STRN4: variants seen among roughly 807,000 people sequenced by gnomAD.
The protein encoded by STRN4 is striatin-4.
STRN4 carries 27 observed loss-of-function variants against 77.9 expected under a neutral mutation model. That is an observed-to-expected ratio of 0.35 (90% CI 0.26 to 0.48). The LOEUF is 0.48. Ranked by LOEUF, STRN4 falls within the 20% of genes least tolerant of loss-of-function variation. The pLI is 0.99. For synonymous variants in STRN4, 466 were observed against 443.1 expected (o/e 1.05, Z -0.65); for missense variants, 798 against 1,049.7 (o/e 0.76, Z 3.31).
At chr19:46,743,760 C>T (rs759533318) in intron 1 of STRN4, among the ~76,000 whole-genome samples, 25 of 151,958 alleles carry the variant, frequency 1.6e-4, no homozygotes, top group Admixed American at 3.9e-4. Flanking sequence ...ATCAGCCAGG[C>T]GTGGTGGTGG....
rs1255989752 is a variant in STRN4 at position 46,746,033 on chromosome 19, C to A, written c.282+116G>T. The A allele has an allele frequency of 1.5e-5, 18 of 1,217,080 alleles. 2 individuals are homozygous for A. Among genetic ancestry groups the A allele is most frequent in the Non-Finnish European group, 1.6e-5 (15 of 956,294 alleles). 75.4% of individuals were successfully genotyped at this position (1,217,080 alleles called of 1,614,324 possible). ...CGGGACCGTCGCGGTCCCCTCCCGC[C>A]CCCCCGCCGGCCGTCCCGGCGGCCA... On this transcript the variant is annotated intron_variant, in intron 1 of 17. Transcript: ENST00000263280.
intron 9 of STRN4, 30 bp downstream of exon 9, chr19:46,727,422 G>A: frequency 6.3e-7 from 1 of 1,590,642 alleles, no homozygotes; most frequent in East Asian, 2.3e-5. Flanking sequence ...TGCCAATGGG[G>A]ACAGTGTGGG....
rs528423353 is a variant in STRN4 at position 46,722,406 on chromosome 19, A to G, written c.1907-66T>C. On this transcript the variant is annotated intron_variant, in intron 14 of 17. Coordinates refer to ENST00000263280, the MANE Select transcript of STRN4 (RefSeq NM_013403.3). Reference sequence around the variant, plus strand: ...AAATCAGGAAGACCAGAACAGAGGCACAAGCGCAGCGTGACAGCCCCTACA... The same window carrying G: ...AAATCAGGAAGACCAGAACAGAGGCGCAAGCGCAGCGTGACAGCCCCTACA... 1.2e-3 allele frequency: 1,812 copies of G among 1,524,792 alleles called. 2 individuals carry two copies. The highest frequency in any genetic ancestry group is 1.6e-3 in the Non-Finnish European group (1,753 of 1,102,402). 94.5% of individuals were successfully genotyped at this position (1,524,792 alleles called of 1,614,324 possible).
intron 1 of STRN4, chr19:46,745,666 G>A (rs2054574131): frequency 6.5e-6 from 1 of 152,752 alleles, no homozygotes; most frequent in East Asian, 1.9e-4. Flanking sequence ...TCGGGGTCGG[G>A]GTCGGGAGTC....
rs2054481493 is a variant in STRN4, at chr19:46,741,900, T to C, written c.283-3012A>G. ...AAGCTTCAGCAGCTGCTGGCAGGAA[T>C]GGGCCCCCAGGAAGCTGAAGTGGGC... On this transcript the variant is annotated intron_variant, in intron 1 of 17. Transcript: ENST00000263280. The surrounding 1 kb of genome is among the most constrained non-coding windows in gnomAD (Gnocchi z 4.9). 6.6e-6 allele frequency among the ~76,000 whole-genome samples: 1 copy of C among 152,194 alleles called. No individual in the cohort carries two copies. Among genetic ancestry groups the C allele is most frequent in the Non-Finnish European group, 1.5e-5 (1 of 68,028 alleles).
intron 1 of STRN4, among the ~76,000 whole-genome samples, chr19:46,743,697 C>G: frequency 1.3e-5 from 2 of 152,128 alleles, no homozygotes. Context: ...GCCAGGAGTT[C>G]GAAACCAGCC....
At chr19:46,737,284 T>C (rs1311503158) in intron 3 of STRN4, among the ~76,000 whole-genome samples, 2 of 152,198 alleles carry the variant, frequency 1.3e-5, no homozygotes, top group African/African-American at 4.8e-5. Flanking sequence ...ATGAGCTTAA[T>C]GATAACAGCA....
At position 46,723,114 on chromosome 19, in the gene STRN4, C is replaced by T. The variant is rs759772105; in HGVS notation, c.1765G>A (p.Glu589Lys). Residue 589 changes from glutamate (E) to lysine (K), a missense_variant and splice_region_variant, in exon 13 of 18, where the codon GAG becomes AAG. Physicochemically the swap from Glu to Lys is moderately conservative, Grantham distance 56 (BLOSUM62 1). Around this residue, in one of 2 missense-constraint regions of STRN4, gnomAD observed 287 missense variants for 473.8 expected, o/e 0.61. Coordinates refer to ENST00000263280, the MANE Select transcript of STRN4 (RefSeq NM_013403.3). The surrounding 1 kb of genome is among the most constrained non-coding windows in gnomAD (Gnocchi z 5.5). Reference sequence around the variant, plus strand: ...GTGAGGCACCGGGGCCCCCACTCACCGCTGGCTGTGGGGAAGGTGCAGAGG... The same window carrying T: ...GTGAGGCACCGGGGCCCCCACTCACTGCTGGCTGTGGGGAAGGTGCAGAGG... Reference protein sequence around the residue: ...ACLCTFPTASEHGVPTSVAFT... With the variant: ...ACLCTFPTASKHGVPTSVAFT... 9.0e-6 allele frequency: 14 copies of T among 1,563,432 alleles called. No homozygotes were observed. Among genetic ancestry groups the T allele is most frequent in the East Asian group, 2.4e-5 (1 of 41,642 alleles).
chr19:46,727,635 GAA>G (rs1184426495), intron 8 of STRN4, 89 bp from the exon 9 acceptor site: 1 of 1,116,700 alleles, frequency 9.0e-7, no homozygotes, highest in Non-Finnish European at 1.3e-6. Flanking sequence ...GAGAGGCAGA[GAA>G]AGAGATAAAG....
At chr19:46,739,023 AAAG>A in intron 1 of STRN4, 135 bp from the exon 2 acceptor site, 1 of 720,368 alleles carries the variant, frequency 1.4e-6, no homozygotes, top group Admixed American at 2.1e-5. Flanking sequence ...CCTCAGGCAC[AAAG>A]ATCCCAAGCC....
chr19:46,725,847 A>G (rs1261692118), intron 9 of STRN4, 199 bp from the exon 10 acceptor site: 6 of 673,804 alleles, frequency 8.9e-6, no homozygotes, highest in African/African-American at 7.3e-5. Context: ...AAGTCCCCAC[A>G]CTGCGCTGGG....
Position 46,745,252 on chromosome 19 carries a change from C to G in STRN4, c.282+897G>C, listed in dbSNP as rs575715121. Among the ~76,000 whole-genome samples, 6 of 152,220 alleles carry G rather than the reference C, an allele frequency of 3.9e-5. No individual in the cohort carries two copies. The East Asian group carries it at 7.7e-4, about 20-fold the overall frequency. On this transcript the variant is annotated intron_variant, in intron 1 of 17. Transcript: ENST00000263280. Reference sequence around the variant, plus strand: ...AACACACGTGCCATCTCAGTGCCATCGCGCCCACTCCTGCACACCCCCAAA... The same window carrying G: ...AACACACGTGCCATCTCAGTGCCATGGCGCCCACTCCTGCACACCCCCAAA...
intron 1 of STRN4, 106 bp downstream of exon 1, chr19:46,746,043 G>GGCGTCCCGGCGGC: frequency 8.6e-7 from 1 of 1,161,896 alleles, no homozygotes. Context: ...CCCCCCGCCG[G>GGCGTCCCGGCGGC]CCGTCCCGGC....
intron 16 of STRN4, chr19:46,721,684 C>G (rs1395006945): frequency 5.6e-6 from 2 of 359,498 alleles, no homozygotes; most frequent in Non-Finnish European, 1.1e-5. Flanking sequence ...ACTGATGTTA[C>G]AGAGCTTCAA....
intron 14 of STRN4, 98 bp downstream of exon 14, chr19:46,722,712 A>G: frequency 6.5e-7 from 1 of 1,545,134 alleles, no homozygotes; most frequent in East Asian, 2.3e-5. Flanking sequence ...CAGGGGAGTC[A>G]TCTGAGCTGA....
chr19:46,724,017 G>A (rs1018108954), intron 12 of STRN4, among the ~76,000 whole-genome samples: 2 of 152,152 alleles, frequency 1.3e-5, no homozygotes, highest in African/African-American at 2.4e-5. Context: ...GGAGGCCAAG[G>A]TGGGTGGATC....
Position 46,723,181 on chromosome 19 carries a change from G to A in STRN4, c.1698C>T (p.Gly566=). 6.4e-7 allele frequency: 1 copy of A among 1,561,620 alleles called. No homozygotes were observed. The highest frequency in any genetic ancestry group is 8.7e-7 in the Non-Finnish European group (1 of 1,153,772). ...TGCTGGGGTCCCAGATGCGGACGGT[G>A]CCATCAGCAGAACAGGAGGCCAGGC... is the stretch of plus-strand genomic sequence containing the variant. The part of the protein sequence containing the change: ...SQRLASCSAD[G]TVRIWDPSSS... Residue 566 remains glycine, a synonymous_variant, in exon 13 of 18, where the codon GGC becomes GGT. Transcript: ENST00000263280. This position sits in a 1 kb window ranked among gnomAD's most constrained non-coding sequence, Gnocchi z 5.5.
Position 46,727,516 on chromosome 19 carries a change from C to A in STRN4, c.1184G>T (p.Gly395Val). ...DVFIMDTIGG[G>V]EVSLGDLADL... Reference sequence around the variant, plus strand: ...TGCCAAGTCCCCCAGGCTCACCTCCCCGCCCCCGATAGTGTCCATGATGAA... The same window carrying A: ...TGCCAAGTCCCCCAGGCTCACCTCCACGCCCCCGATAGTGTCCATGATGAA... Residue 395 changes from glycine (G) to valine (V), a missense_variant, in exon 9 of 18, where the codon GGG (glycine) becomes GTG (valine). Transcript: ENST00000263280. 1 of 1,614,012 alleles carries A rather than the reference C, an allele frequency of 6.2e-7. No individual in the cohort carries two copies. Among genetic ancestry groups the A allele is most frequent in the Non-Finnish European group, 8.5e-7 (1 of 1,179,972 alleles).
chr19:46,723,295 C>A lies in STRN4; in HGVS notation c.1595-11G>T, dbSNP rs1207834714. ...TCAGCACGCTTGGGTCTGCACCCAC[C>A]GCAGGGAGGAAATGGGCTGTGTCAG... is the stretch of plus-strand genomic sequence containing the variant. On this transcript the variant is annotated splice_polypyrimidine_tract_variant and intron_variant, in intron 12 of 17. Coordinates refer to ENST00000263280, the MANE Select transcript of STRN4 (RefSeq NM_013403.3). The surrounding 1 kb of genome is among the most constrained non-coding windows in gnomAD (Gnocchi z 5.5). 2 of 1,532,388 alleles carry A rather than the reference C, an allele frequency of 1.3e-6. No individual in the cohort carries two copies. The highest frequency in any genetic ancestry group is 1.8e-6 in the Non-Finnish European group (2 of 1,139,842). 94.9% of individuals were successfully genotyped at this position (1,532,388 alleles called of 1,614,324 possible).
Sources: allele counts gnomAD v4.1 joint callset (sites outside exome capture counted in the v4.1 genomes callset), GRCh38; gene constraint gnomAD v4.1.1; regional missense constraint gnomAD v4.1.1; non-coding constraint Gnocchi (gnomAD v3.1); transcripts MANE v1.5; gene names NCBI Gene and HGNC (gene_info 2026-07-23, HGNC 2026-07-21).